Variants in MBOAT4 observed in about 807,000 individuals in gnomAD.
MBOAT4 encodes membrane bound ghrelin O-acyltransferase MBOAT4.
Under a neutral mutation model 13.2 loss-of-function variants are expected in MBOAT4, and 11 were observed. The observed-to-expected ratio is 0.84, with a 90% CI of 0.53 to 1.38. The LOEUF is 1.38. Ranked by LOEUF, MBOAT4 falls within the 40% of genes most tolerant of loss-of-function variation. The pLI, the probability that MBOAT4 is intolerant of heterozygous loss-of-function variation, is 0.00. For synonymous variants in MBOAT4, 202 were observed against 210.3 expected (o/e 0.96, Z 0.34); for missense variants, 481 against 527.2 (o/e 0.91, Z 0.86).
In MBOAT4 at chr8:30,137,270, A is replaced by G. The variant is rs188534729; in HGVS notation, c.344+1262T>C. The G allele has an allele frequency of 5.5e-4, 851 of 1,550,716 alleles. 9 individuals are homozygous for G. The East Asian group carries it at 0.017, about 30-fold the overall frequency. ...AATTAGCTCTTGATTTCTGTTTTCT[A>G]GATGGGGCGCCTACCCTTCTTCAGC... On this transcript the variant is annotated intron_variant, in intron 2 of 2. Transcript: ENST00000320542.
intron 1 of MBOAT4, among the ~76,000 whole-genome samples, chr8:30,142,522 A>G (rs921998770): frequency 1.3e-5 from 2 of 151,950 alleles, no homozygotes; most frequent in African/African-American, 4.8e-5. Context: ...CACTTGGCTA[A>G]TTTTTTGTAC....
intron 2 of MBOAT4, among the ~76,000 whole-genome samples, chr8:30,135,480 G>A (rs573715490): frequency 6.6e-6 from 1 of 152,144 alleles, no homozygotes; most frequent in Admixed American, 6.5e-5. Flanking sequence ...TGCCTAATGT[G>A]GGATTTGTAC....
chr8:30,144,467 T>G lies in MBOAT4; in HGVS notation c.119+16A>C. 1 of 1,507,416 alleles carries G rather than the reference T, an allele frequency of 6.6e-7. No individual in the cohort carries two copies. Among genetic ancestry groups the G allele is most frequent in the Non-Finnish European group, 9.0e-7 (1 of 1,107,642 alleles). 93.4% of individuals were successfully genotyped at this position (1,507,416 alleles called of 1,614,324 possible). A position where few individuals can be genotyped will look rare whatever the true frequency, so the allele number is the denominator to read the frequency against. On this transcript the variant is annotated intron_variant, in intron 1 of 2. Coordinates refer to ENST00000320542, the MANE Select transcript of MBOAT4 (RefSeq NM_001100916.2). ...GTATTTCTGGATGTAAGAGTAAAAA[T>G]AGCCATCCAGCCTACCTGGCACGAG...
At position 30,131,963 on chromosome 8, in the gene MBOAT4, T is replaced by C; in HGVS notation, c.1288A>G (p.Arg430Gly). ...YCILLLLLAKRKHKCN is the reference protein window; with the variant it reads ...YCILLLLLAKGKHKCN ...AGATGTCAGTTACATTTGTGCTTTCTCTTCGCCAATAGCAAAAGCAGAATA... is the reference window on the plus strand; with the variant it reads ...AGATGTCAGTTACATTTGTGCTTTCCCTTCGCCAATAGCAAAAGCAGAATA... The change falls in exon 3 of 3, where the codon AGA becomes GGA. Residue 430 changes from arginine to glycine, a missense_variant. Transcript: ENST00000320542. 7 of 1,549,376 alleles carry C rather than the reference T, an allele frequency of 4.5e-6. No individual in the cohort carries two copies. Among genetic ancestry groups the C allele is most frequent in the Non-Finnish European group, 6.1e-6 (7 of 1,145,122 alleles).
In MBOAT4 at chr8:30,133,735, G is replaced by A. The variant is rs1803076258; in HGVS notation, c.345-829C>T. ...GCCCAGGAGTTCAAGGCTGCAGTGA[G>A]CTATGATTGCACCACTGCACTCCAG... On this transcript the variant is annotated intron_variant, in intron 2 of 2. Coordinates refer to ENST00000320542, the MANE Select transcript of MBOAT4 (RefSeq NM_001100916.2). 2.1e-5 allele frequency among the ~76,000 whole-genome samples: 3 copies of A among 146,320 alleles called. No individual in the cohort carries two copies. The Admixed American group carries it at 2.1e-4, about 10-fold the overall frequency.
rs1023573080 is a variant in MBOAT4 at position 30,139,563 on chromosome 8, G to A, written c.120-807C>T. On this transcript the variant is annotated intron_variant, in intron 1 of 2. Coordinates refer to ENST00000320542, the MANE Select transcript of MBOAT4 (RefSeq NM_001100916.2). ...GAGACTCAACACTTCCCTTCGAAAA[G>A]TGAAAACTCAGAAAAATCTTTATAT... 2.0e-5 allele frequency among the ~76,000 whole-genome samples: 3 copies of A among 152,274 alleles called. No individual in the cohort carries two copies. In the East Asian group the frequency reaches 5.8e-4, roughly 29 times the overall value.
chr8:30,137,123 G>T (rs1045641785), intron 2 of MBOAT4: 5 of 656,504 alleles, frequency 7.6e-6, no homozygotes, highest in South Asian at 7.6e-5. Flanking sequence ...TGCTCCAAGT[G>T]ACCCTGAAGC....
intron 1 of MBOAT4, 150 bp from the exon 2 acceptor site, chr8:30,138,906 T>C (rs1466147883): frequency 5.0e-6 from 3 of 602,390 alleles, no homozygotes; most frequent in Non-Finnish European, 5.9e-6. Flanking sequence ...CTTCCTTTTG[T>C]TCTTCAGAAG....
In MBOAT4 at chr8:30,132,353, A is replaced by G; in HGVS notation, c.898T>C (p.Ser300Pro). Reference protein sequence around the residue: ...IWTLERTHRISVFSRKWNQST... With the variant: ...IWTLERTHRIPVFSRKWNQST... ...TGGTTCCACTTTCTTGAGAACACAG[A>G]TATCCTGTGGGTTCTTTCCAGGGTC... The change falls in exon 3 of 3, where the codon TCT becomes CCT. Residue 300 changes from serine (S) to proline (P), a missense_variant. By Grantham distance (74) the Ser-to-Pro change is moderately conservative. Transcript: ENST00000320542. 6.4e-7 allele frequency: 1 copy of G among 1,551,738 alleles called. No homozygotes were observed. The highest frequency in any genetic ancestry group is 1.4e-5 in the African/African-American group (1 of 73,174).
At chr8:30,134,770 ACTC>A (rs1485690143) in intron 2 of MBOAT4, among the ~76,000 whole-genome samples, 1 of 150,790 alleles carries the variant, frequency 6.6e-6, no homozygotes, top group Non-Finnish European at 1.5e-5. Context: ...CTGGTCTTGA[ACTC>A]CTCATCTCAG....
In MBOAT4 at chr8:30,144,657, T is replaced by C; in HGVS notation, c.-56A>G. 8.5e-7 allele frequency: 1 copy of C among 1,179,560 alleles called. No homozygotes were observed. Among genetic ancestry groups the C allele is most frequent in the Non-Finnish European group, 1.2e-6 (1 of 830,142 alleles). The allele number at this position is 1,179,560 out of a possible 1,614,324, so 73.1% of individuals were successfully genotyped here. ...CCAGTGTCCTTAACTGATGCCTTCC[T>C]CCAAGAGTAATCTCAACCAGGCTGT... On this transcript the variant is annotated 5_prime_UTR_variant, in exon 1 of 3. Transcript: ENST00000320542.
At chr8:30,137,285 C>A (rs779260103) in intron 2 of MBOAT4, 1 of 1,551,594 alleles carries the variant, frequency 6.4e-7, no homozygotes, top group South Asian at 1.2e-5. Flanking sequence ...GGGCGCCTAC[C>A]CTTCTTCAGC....
chr8:30,134,745 G>T (rs1476196834), intron 2 of MBOAT4, among the ~76,000 whole-genome samples: 1 of 152,032 alleles, frequency 6.6e-6, no homozygotes, highest in Admixed American at 6.6e-5. Context: ...ACAGGGTTTC[G>T]CCATGTCTGC....
chr8:30,137,242 T>C, intron 2 of MBOAT4: 5 of 1,494,490 alleles, frequency 3.3e-6, no homozygotes, highest in Non-Finnish European at 4.6e-6. Flanking sequence ...TTCTCTAGAC[T>C]GTAATTAGCT....
chr8:30,132,445 G>A lies in MBOAT4; in HGVS notation c.806C>T (p.Ala269Val), dbSNP rs1219847771. ...WILDDSLLHA[A>V]GFGPELGQSP... is the part of the protein sequence containing the mutation. Reference sequence around the variant, plus strand: ...CTGACCAAGCTCAGGCCCAAAGCCCGCTGCGTGGAGGAGGGAGTCGTCCAG... The same window carrying A: ...CTGACCAAGCTCAGGCCCAAAGCCCACTGCGTGGAGGAGGGAGTCGTCCAG... Residue 269 changes from alanine to valine, a missense_variant, in exon 3 of 3, where the codon GCG (alanine) becomes GTG (valine). Coordinates refer to ENST00000320542, the MANE Select transcript of MBOAT4 (RefSeq NM_001100916.2). 1.2e-5 allele frequency: 18 copies of A among 1,551,600 alleles called. No individual in the cohort carries two copies. The highest frequency in any genetic ancestry group is 1.7e-4 in the Middle Eastern group (1 of 6,014).
rs1170494906 is a variant in MBOAT4, at chr8:30,138,776, T to C, written c.120-20A>G. ...AGGTACCTGAAAGAGAAGGGACACCTTGGGGAGAATGACTTAGAACGGCAC... is the reference window on the plus strand; with the variant it reads ...AGGTACCTGAAAGAGAAGGGACACCCTGGGGAGAATGACTTAGAACGGCAC... On this transcript the variant is annotated intron_variant, in intron 1 of 2. Coordinates refer to ENST00000320542, the MANE Select transcript of MBOAT4 (RefSeq NM_001100916.2). 2 of 1,536,202 alleles carry C rather than the reference T, an allele frequency of 1.3e-6. No individual in the cohort carries two copies. Among genetic ancestry groups the C allele is most frequent in the South Asian group, 2.4e-5 (2 of 83,726 alleles).
rs139513140 is a variant in MBOAT4 at position 30,132,850 on chromosome 8, G to C, written c.401C>G (p.Ser134Cys). Residue 134 changes from serine (S) to cysteine (C), a missense_variant, in exon 3 of 3, where the codon TCT becomes TGT. By Grantham distance (112) the Ser-to-Cys change is moderately radical. Coordinates refer to ENST00000320542, the MANE Select transcript of MBOAT4 (RefSeq NM_001100916.2). ...MLLTQRVTSL[S>C]LDICEGKVKA... ...CACTTTCCCCTCACAAATGTCCAGA[G>C]AGAGGGACGTGACCCTCTGGGTCAA... The C allele has an allele frequency of 1.1e-5, 17 of 1,551,272 alleles. No homozygotes were observed. Among genetic ancestry groups the C allele is most frequent in the Non-Finnish European group, 1.3e-5 (15 of 1,146,824 alleles).
Position 30,132,797 on chromosome 8 carries a change from T to C in MBOAT4, c.454A>G (p.Arg152Gly), listed in dbSNP as rs1268685849. The C allele has an allele frequency of 6.4e-7, 1 of 1,551,780 alleles. No homozygotes were observed. The highest frequency in any genetic ancestry group is 2.0e-5 in the Admixed American group (1 of 51,006). The change falls in exon 3 of 3, where the codon AGG becomes GGG. Residue 152 changes from arginine (R) to glycine (G), a missense_variant. Coordinates refer to ENST00000320542, the MANE Select transcript of MBOAT4 (RefSeq NM_001100916.2). Reference sequence around the variant, plus strand: ...CACACATGCTCAGACAAAGAGCTCCTGCTCCTGAAGCCTCCAGATGCTGCC... The same window carrying C: ...CACACATGCTCAGACAAAGAGCTCCCGCTCCTGAAGCCTCCAGATGCTGCC... ...VKAASGGFRS[R>G]SSLSEHVCKA... is the part of the protein sequence containing the mutation.
At chr8:30,134,068 C>G (rs1379461904) in intron 2 of MBOAT4, among the ~76,000 whole-genome samples, 1 of 152,202 alleles carries the variant, frequency 6.6e-6, no homozygotes, top group East Asian at 1.9e-4. Context: ...GTCATTGAGC[C>G]TGTACTCAAA....
Sources: gnomAD v4.1 joint callset for allele counts (sites outside exome capture counted in the v4.1 genomes callset) on GRCh38, gnomAD v4.1.1 for gene constraint, MANE v1.5 for transcripts, NCBI Gene and HGNC (gene_info 2026-07-23, HGNC 2026-07-21) for gene names.